KCNMA1: variants seen among roughly 807,000 people sequenced by gnomAD.
KCNMA1 encodes the protein potassium calcium-activated channel subfamily M alpha 1.
KCNMA1 carries 29 observed loss-of-function variants against 140.0 expected under a neutral mutation model. The ratio of observed to expected loss-of-function variants is 0.21; its 90% CI spans 0.15 to 0.28. KCNMA1 has a LOEUF of 0.28. Ranked by LOEUF, KCNMA1 falls within the 10% of genes least tolerant of loss-of-function variation. The pLI, the probability that KCNMA1 is intolerant of heterozygous loss-of-function variation, is 1.00. For synonymous variants in KCNMA1, 612 were observed against 611.9 expected, an observed-to-expected ratio of 1.00 and a Z score of 0.00; for missense variants, 880 against 1,602.2, an observed-to-expected ratio of 0.55 and a Z score of 7.70.
chr10:77,573,317 G>A (rs913524413), intron 1 of KCNMA1, among the ~76,000 whole-genome samples: 10 of 152,128 alleles, frequency 6.6e-5, no homozygotes, highest in African/African-American at 2.2e-4. Context: ...GTGCATGGGC[G>A]GTGGGGATGT....
At chr10:77,344,971 T>C (rs2091861003) in intron 2 of KCNMA1, among the ~76,000 whole-genome samples, 1 of 151,632 alleles carries the variant, frequency 6.6e-6, no homozygotes. Flanking sequence ...ACAATCTTCA[T>C]TTATTCTTTT....
chr10:76,941,673 C>T (rs1284046077), intron 23 of KCNMA1, among the ~76,000 whole-genome samples: 1 of 152,160 alleles, frequency 6.6e-6, no homozygotes, highest in African/African-American at 2.4e-5. Context: ...GACAGATGCT[C>T]CTCTCCACTG....
chr10:77,160,988 G>C (rs1261063119), intron 5 of KCNMA1, among the ~76,000 whole-genome samples: 1 of 152,158 alleles, frequency 6.6e-6, no homozygotes, highest in African/African-American at 2.4e-5. Context: ...TGACTTACGA[G>C]CCTATTTTTC....
intron 2 of KCNMA1, among the ~76,000 whole-genome samples, chr10:77,380,825 C>T (rs2095356359): frequency 6.6e-6 from 1 of 152,184 alleles, no homozygotes; most frequent in South Asian, 2.1e-4. Flanking sequence ...GAATGATGCC[C>T]CAAGCATCCA....
chr10:77,426,625 G>A (rs1453820035), intron 1 of KCNMA1, among the ~76,000 whole-genome samples: 1 of 152,186 alleles, frequency 6.6e-6, no homozygotes, highest in East Asian at 1.9e-4. Context: ...GCGGAGCAGA[G>A]CTAGTCTCTC....
chr10:77,566,318 C>G (rs1357624744), intron 1 of KCNMA1, among the ~76,000 whole-genome samples: 1 of 152,190 alleles, frequency 6.6e-6, no homozygotes, highest in Non-Finnish European at 1.5e-5. Flanking sequence ...GGATCCTGCT[C>G]GGGGCACCAC....
intron 3 of KCNMA1, among the ~76,000 whole-genome samples, chr10:77,191,469 ACTTAT>A (rs1408131434): frequency 6.6e-6 from 1 of 152,110 alleles, no homozygotes; most frequent in Non-Finnish European, 1.5e-5. Flanking sequence ...CTGCCATTTT[ACTTAT>A]CTTATCAGAG....
At chr10:77,075,554 T>C (rs2096367381) in intron 13 of KCNMA1, among the ~76,000 whole-genome samples, 2 of 152,218 alleles carry the variant, frequency 1.3e-5, no homozygotes, top group African/African-American at 4.8e-5. Flanking sequence ...GGCTGAGGCA[T>C]TTCATCCTTG....
intron 21 of KCNMA1, among the ~76,000 whole-genome samples, chr10:76,950,607 T>C (rs2065881544): frequency 6.6e-6 from 1 of 152,208 alleles, no homozygotes; most frequent in Non-Finnish European, 1.5e-5. Flanking sequence ...TGGCTTACAA[T>C]GCTTTGGGGG....
chr10:77,073,887 C>T (rs1364803847), intron 13 of KCNMA1, among the ~76,000 whole-genome samples: 1 of 152,174 alleles, frequency 6.6e-6, no homozygotes. Context: ...TCGACGTTTC[C>T]AATCTCTTGC....
intron 17 of KCNMA1, among the ~76,000 whole-genome samples, chr10:77,014,406 C>T (rs2091550907): frequency 6.7e-6 from 1 of 150,168 alleles, no homozygotes; most frequent in African/African-American, 2.5e-5. Context: ...AGCCTGGGAG[C>T]CTGGGCAATA....
chr10:77,213,817 G>A (rs114206060), intron 3 of KCNMA1, among the ~76,000 whole-genome samples: 3,029 of 152,098 alleles, frequency 0.02, 103 homozygotes, highest in African/African-American at 0.07. Flanking sequence ...CTGATATCTC[G>A]GCCTCAAACA....
At chr10:76,880,909 G>A (rs1159648161), downstream of KCNMA1, among the ~76,000 whole-genome samples, 3 of 152,136 alleles carry the variant, frequency 2.0e-5, no homozygotes, top group East Asian at 5.8e-4. Flanking sequence ...GGGCTTCCTC[G>A]CTGCCAGAGA....
At chr10:77,296,049 A>G (rs2075023402) in intron 2 of KCNMA1, among the ~76,000 whole-genome samples, 1 of 152,130 alleles carries the variant, frequency 6.6e-6, no homozygotes, top group African/African-American at 2.4e-5. Flanking sequence ...ATGACCCTCA[A>G]AGATGCCAGT....
chr10:77,090,888 G>A (rs988546675), intron 9 of KCNMA1: 3 of 306,112 alleles, frequency 9.8e-6, no homozygotes, highest in Admixed American at 4.3e-5. Context: ...AGCGTCCTCC[G>A]GGGAGATTTA....
chr10:76,908,971 C>T (rs1391552369), intron 25 of KCNMA1, among the ~76,000 whole-genome samples: 3 of 152,146 alleles, frequency 2.0e-5, no homozygotes, highest in Admixed American at 6.5e-5. Context: ...ATTTGTTTTT[C>T]GGTTGCAAAA....
intron 3 of KCNMA1, among the ~76,000 whole-genome samples, chr10:77,218,939 G>A (rs1208647213): frequency 2.0e-5 from 3 of 152,130 alleles, no homozygotes; most frequent in South Asian, 4.1e-4. Context: ...TGCCCGCCTC[G>A]GCCTCCCAAA....
intron 1 of KCNMA1, among the ~76,000 whole-genome samples, chr10:77,601,800 C>T (rs2154566440): frequency 6.6e-6 from 1 of 152,290 alleles, no homozygotes; most frequent in East Asian, 1.9e-4. Flanking sequence ...CCTCCTGGCC[C>T]TCAAGGACAC....
chr10:77,183,598 A>T (rs1264815451), intron 4 of KCNMA1, 66 bp from the exon 5 acceptor site: 1 of 1,105,924 alleles, frequency 9.0e-7, no homozygotes, highest in African/African-American at 1.5e-5. Flanking sequence ...TCCAATGTAC[A>T]CTCTTTTGTC....
Sources: gnomAD v4.1 joint callset for allele counts (sites outside exome capture counted in the v4.1 genomes callset) on GRCh38, gnomAD v4.1.1 for gene constraint, MANE v1.5 for transcripts, NCBI Gene and HGNC (gene_info 2026-07-23, HGNC 2026-07-21) for gene names.